Variants in ABITRAM observed in about 807,000 individuals in gnomAD.
ABITRAM encodes protein Abitram.
A neutral mutation model predicts 22.9 loss-of-function variants in ABITRAM; 19 were observed. The observed-to-expected ratio is 0.83, with a 90% CI of 0.58 to 1.22. The LOEUF (loss-of-function observed/expected upper bound fraction) is 1.22, where lower values mean the gene tolerates loss of function less well. Ranked by LOEUF, ABITRAM falls within the 50% of genes most tolerant of loss-of-function variation. The pLI, the probability that ABITRAM is intolerant of heterozygous loss-of-function variation, is 0.00. For missense variants in ABITRAM, 215 were observed against 220.2 expected, an observed-to-expected ratio of 0.98 and a Z score of 0.15; for synonymous variants, 70 against 73.9, an observed-to-expected ratio of 0.95 and a Z score of 0.27.
At chr9:108,944,874 CT>C (rs1830356034), downstream of ABITRAM, among the ~76,000 whole-genome samples, 1 of 152,184 alleles carries the variant, frequency 6.6e-6, no homozygotes, top group Non-Finnish European at 1.5e-5. Flanking sequence ...CTTGCTATCA[CT>C]GGATAAAATG....
chr9:108,942,664 T>C, downstream of ABITRAM: 1 of 832,590 alleles, frequency 1.2e-6, no homozygotes, highest in Non-Finnish European at 1.9e-6. Context: ...CAATATTGTT[T>C]TCTTTATAAA....
chr9:108,941,489 A>G (rs745984115), downstream of ABITRAM, among the ~76,000 whole-genome samples: 16 of 152,228 alleles, frequency 1.1e-4, no homozygotes, highest in Non-Finnish European at 2.2e-4. Context: ...AATAAAAATC[A>G]TGCTTAATGA....
At position 108,939,926 on chromosome 9, in the gene ABITRAM, C is replaced by G. The variant is rs1830236509; in HGVS notation, c.*240C>G. The G allele has an allele frequency of 2.6e-6, 1 of 391,200 alleles. No homozygotes were observed. The highest frequency in any genetic ancestry group is 4.5e-6 in the Non-Finnish European group (1 of 220,424). The allele number at this position is 391,200 out of a possible 1,614,324, so 24.2% of individuals were successfully genotyped here. ...ACTCACACTGTTCTCTTGCATCTCT[C>G]TAACAACTGGCATGCAAGGCATGTT... On this transcript the variant is annotated 3_prime_UTR_variant, in exon 6 of 6. Transcript: ENST00000322940.
At chr9:108,943,558 G>A (rs1830309824), downstream of ABITRAM, 2 of 662,144 alleles carry the variant, frequency 3.0e-6, 1 homozygote, top group South Asian at 4.4e-5. Flanking sequence ...AGTTATGAGA[G>A]TAGATAATAA....
exon 4 of ABITRAM, chr9:108,950,607 G>A (rs371423612): frequency 2.6e-6 from 4 of 1,549,244 alleles, no homozygotes; most frequent in Non-Finnish European, 3.5e-6. Flanking sequence ...TCCTTCTATA[G>A]GAAGGAATCT....
intron 3 of ABITRAM, among the ~76,000 whole-genome samples, chr9:108,938,617 A>C (rs905961470): frequency 6.7e-6 from 1 of 148,160 alleles, no homozygotes; most frequent in African/African-American, 2.5e-5. Flanking sequence ...CATTTTCCTC[A>C]AAGTGCATGT....
At chr9:108,937,588 GAAAC>G (rs1830205310) in intron 3 of ABITRAM, among the ~76,000 whole-genome samples, 1 of 152,066 alleles carries the variant, frequency 6.6e-6, no homozygotes, top group African/African-American at 2.4e-5. Context: ...CCTCACTCAA[GAAAC>G]TAGTGGACTT....
downstream of ABITRAM, chr9:108,943,690 A>G (rs544431140): frequency 4.4e-6 from 7 of 1,597,028 alleles, no homozygotes; most frequent in African/African-American, 5.4e-5. Context: ...AGTTTTTCAT[A>G]TGTCTCTTTT....
chr9:108,936,697 C>T (rs905686957), intron 3 of ABITRAM, among the ~76,000 whole-genome samples: 1 of 152,074 alleles, frequency 6.6e-6, no homozygotes, highest in African/African-American at 2.4e-5. Context: ...GGAAGGCAGG[C>T]CTTTGAAAGG....
At position 108,939,739 on chromosome 9, in the gene ABITRAM, C is replaced by T. The variant is rs1830234160; in HGVS notation, c.*53C>T. 9.4e-6 allele frequency: 15 copies of T among 1,598,418 alleles called. No homozygotes were observed. Among genetic ancestry groups the T allele is most frequent in the South Asian group, 2.3e-5 (2 of 88,516 alleles). On this transcript the variant is annotated 3_prime_UTR_variant, in exon 6 of 6. Transcript: ENST00000322940. ...GGGATTCTTGTTACCTGGCCTAAACCATCAGGGTACTAAAGGAGAAGAACC... is the reference window on the plus strand; with the variant it reads ...GGGATTCTTGTTACCTGGCCTAAACTATCAGGGTACTAAAGGAGAAGAACC...
chr9:108,942,864 G>A (rs1830283844), downstream of ABITRAM: 3 of 1,611,846 alleles, frequency 1.9e-6, no homozygotes, highest in Admixed American at 5.0e-5. Flanking sequence ...TTAGTATCTG[G>A]TTTCACTCTG....
intron 3 of ABITRAM, among the ~76,000 whole-genome samples, chr9:108,937,793 A>G (rs1430333086): frequency 6.6e-6 from 1 of 151,612 alleles, no homozygotes; most frequent in Non-Finnish European, 1.5e-5. Flanking sequence ...TTTGTGACAA[A>G]CCTAGGCAAC....
chr9:108,934,493 A>G lies in ABITRAM; in HGVS notation c.7A>G (p.Thr3Ala), dbSNP rs770908235. 8 of 1,602,718 alleles carry G rather than the reference A, an allele frequency of 5.0e-6. No homozygotes were observed. The highest frequency in any genetic ancestry group is 6.8e-6 in the Non-Finnish European group (8 of 1,176,122). The change falls in exon 1 of 6, where the codon ACC (threonine) becomes GCC (alanine). Residue 3 changes from threonine (T) to alanine (A), a missense_variant. Transcript: ENST00000322940. ...GGCGGCGCCGGAGGTCGCCATGGCT[A>G]CCGAGCCCGAAGCCGCGGAGCCGGT... MA[T>A]EPEAAEPVVP...
At position 108,948,259 on chromosome 9, in the gene ABITRAM, A is replaced by C. The variant is rs1484007017; in HGVS notation, c.262-2248A>C. 3 of 1,602,452 alleles carry C rather than the reference A, an allele frequency of 1.9e-6. No homozygotes were observed. In the South Asian group the frequency reaches 3.4e-5, roughly 18 times the overall value. Reference sequence around the variant, plus strand: ...TCTAAAATAAAATTAATTGTTAAGAAGGTAACAAAAAGTTATTACCTGAAA... The same window carrying C: ...TCTAAAATAAAATTAATTGTTAAGACGGTAACAAAAAGTTATTACCTGAAA... On this transcript the variant is annotated intron_variant, in intron 3 of 3. Coordinates refer to the ABITRAM transcript ENST00000374624.
At chr9:108,949,835 C>A (rs1238174914) in intron 3 of ABITRAM, among the ~76,000 whole-genome samples, 1 of 151,886 alleles carries the variant, frequency 6.6e-6, no homozygotes, top group East Asian at 1.9e-4. Flanking sequence ...CAGAGCAAGA[C>A]TCCGTCTCAA....
chr9:108,936,437 G>C lies in ABITRAM; in HGVS notation c.261G>C (p.Arg87=). 1 of 1,612,680 alleles carries C rather than the reference G, an allele frequency of 6.2e-7. No individual in the cohort carries two copies. Among genetic ancestry groups the C allele is most frequent in the South Asian group, 1.1e-5 (1 of 90,900 alleles). Residue 87 remains arginine, a splice_region_variant and synonymous_variant, in exon 3 of 6, where the codon CGG becomes CGC. Coordinates refer to ENST00000322940, the MANE Select transcript of ABITRAM (RefSeq NM_017832.4). ...LQNKVSGKFK[R]GAQFLTELAP... ...ACAAGGTCTCTGGGAAATTTAAGCG[G>C]GTATGTTCCTGTAATTCTGTGATTA...
downstream of ABITRAM, chr9:108,942,640 A>G (rs1043582213): frequency 7.3e-6 from 5 of 684,042 alleles, no homozygotes; most frequent in Non-Finnish European, 1.2e-5. Context: ...TGATCAGAAA[A>G]TAGAGCAAAA....
downstream of ABITRAM, among the ~76,000 whole-genome samples, chr9:108,944,441 G>A (rs1411934369): frequency 6.6e-6 from 1 of 152,194 alleles, no homozygotes; most frequent in Non-Finnish European, 1.5e-5. Context: ...GACAAAATTT[G>A]TCACCCATAC....
chr9:108,950,630 G>C (rs2780334), exon 4 of ABITRAM: 1,453,411 of 1,546,884 alleles, frequency 0.94, 683,240 homozygotes, highest in East Asian at 1. Flanking sequence ...ACGAGCACAG[G>C]ATCCCTCACT....
Sources: allele counts gnomAD v4.1 joint callset (sites outside exome capture counted in the v4.1 genomes callset), GRCh38; gene constraint gnomAD v4.1.1; transcripts MANE v1.5; gene names NCBI Gene and HGNC (gene_info 2026-07-23, HGNC 2026-07-21).